Variants in DHX15 observed in about 807,000 individuals in gnomAD.
DHX15 encodes the protein DEAH-box helicase 15, also known as ATP-dependent RNA helicase DHX15.
DHX15 carries 11 observed loss-of-function variants against 94.4 expected under a neutral mutation model. That is an observed-to-expected ratio of 0.12 (90% CI 0.07 to 0.19). The LOEUF (loss-of-function observed/expected upper bound fraction) is 0.19, where lower values mean the gene tolerates loss of function less well. Among genes scored for constraint, DHX15 ranks in the 10% least tolerant of loss-of-function variants. DHX15 has a pLI of 1.00. For synonymous variants in DHX15, 338 were observed against 329.9 expected (o/e 1.02, Z -0.27); for missense variants, 304 against 988.5 (o/e 0.31, Z 9.29).
intron 3 of DHX15, among the ~76,000 whole-genome samples, chr4:24,569,552 A>C (rs1207388914): frequency 7.6e-6 from 1 of 132,242 alleles, no homozygotes; most frequent in Non-Finnish European, 1.6e-5. Context: ...AGATGGCGCC[A>C]CTGCACTCCA....
At chr4:24,574,211 A>AAAAAAAAAAAAAAAAAAAAAAAT (rs1722191239) in intron 2 of DHX15, among the ~76,000 whole-genome samples, 1 of 138,858 alleles carries the variant, frequency 7.2e-6, no homozygotes, top group Non-Finnish European at 1.5e-5. Flanking sequence ...GTCTCAAAAA[A>AAAAAAAAAAAAAAAAAAAAAAAT]AAAAAAAAAA....
rs1481082152 is a variant in DHX15 at position 24,537,955 on chromosome 4, T to C, written c.1787-782A>G. ...CAATATAAAAGCAAAGTCCAATATTTCAAAAGTTGACAATTAGTCTGAAAC... is the reference window on the plus strand; with the variant it reads ...CAATATAAAAGCAAAGTCCAATATTCCAAAAGTTGACAATTAGTCTGAAAC... On this transcript the variant is annotated intron_variant, in intron 10 of 13. Transcript: ENST00000336812. The surrounding 1 kb of genome is among the most constrained non-coding windows in gnomAD (Gnocchi z 4.7). The C allele has an allele frequency of 1.3e-5, 2 of 152,202 alleles. No individual in the cohort carries two copies. Among genetic ancestry groups the C allele is most frequent in the Non-Finnish European group, 2.9e-5 (2 of 68,030 alleles). 9.4% of individuals were successfully genotyped at this position (152,202 alleles called of 1,614,324 possible). A position where few individuals can be genotyped will look rare whatever the true frequency, so the allele number is the denominator to read the frequency against.
rs149667599 is a variant in DHX15, at chr4:24,530,413, A to G, written c.2101-643T>C. The G allele has an allele frequency of 4.7e-3, 715 of 152,554 alleles. 2 individuals carry two copies. The highest frequency in any genetic ancestry group is 7.7e-3 in the Non-Finnish European group (523 of 68,262). 9.5% of individuals were successfully genotyped at this position (152,554 alleles called of 1,614,324 possible). ...GCCAACACGGTGAAACCTCATCTCT[A>G]CTAAAAGTACAAAAATTAGACAAGC... On this transcript the variant is annotated intron_variant, in intron 12 of 13. Transcript: ENST00000336812.
At chr4:24,532,800 G>A in intron 12 of DHX15, 64 bp downstream of exon 12, 1 of 1,246,484 alleles carries the variant, frequency 8.0e-7, no homozygotes, top group South Asian at 1.7e-5. Context: ...GGATTCAAAG[G>A]ACTGTTAATA....
In DHX15 at chr4:24,551,389, T is replaced by C. The variant is rs1282738734; in HGVS notation, c.1081-2367A>G. ...ACTTTATATTTTTTTAATGTCCAAC[T>C]GTGTCTCTATATCAAAAAACACAAC... On this transcript the variant is annotated intron_variant, in intron 5 of 13. Coordinates refer to ENST00000336812, the MANE Select transcript of DHX15 (RefSeq NM_001358.3). Among the ~76,000 whole-genome samples, 3 of 152,160 alleles carry C rather than the reference T, an allele frequency of 2.0e-5. No individual in the cohort carries two copies. The East Asian group carries it at 5.8e-4, about 29-fold the overall frequency.
intron 5 of DHX15, among the ~76,000 whole-genome samples, chr4:24,551,091 T>C (rs780464795): frequency 6.6e-6 from 1 of 152,042 alleles, no homozygotes; most frequent in Non-Finnish European, 1.5e-5. Flanking sequence ...ATAATGAATA[T>C]CAAGACGGAA....
At position 24,537,200 on chromosome 4, in the gene DHX15, A is replaced by G. The variant is rs1721214581; in HGVS notation, c.1787-27T>C. On this transcript the variant is annotated intron_variant, in intron 10 of 13. Coordinates refer to ENST00000336812, the MANE Select transcript of DHX15 (RefSeq NM_001358.3). The surrounding 1 kb of genome is among the most constrained non-coding windows in gnomAD (Gnocchi z 4.7). Reference sequence around the variant, plus strand: ...TAAACAAGGTTGGTATGGGCCCAACACAAACGCCCATATCGATGAGTCACG... The same window carrying G: ...TAAACAAGGTTGGTATGGGCCCAACGCAAACGCCCATATCGATGAGTCACG... 1 of 1,613,030 alleles carries G rather than the reference A, an allele frequency of 6.2e-7. No homozygotes were observed. The highest frequency in any genetic ancestry group is 8.5e-7 in the Non-Finnish European group (1 of 1,179,466).
At chr4:24,538,783 AACT>A (rs1386181580) in intron 10 of DHX15, 2 of 152,086 alleles carry the variant, frequency 1.3e-5, no homozygotes, top group Non-Finnish European at 2.9e-5. Context: ...GGAAGATTAC[AACT>A]ACATCACAAC....
intron 11 of DHX15, among the ~76,000 whole-genome samples, chr4:24,534,395 A>C (rs1368044220): frequency 6.6e-6 from 1 of 152,224 alleles, no homozygotes; most frequent in African/African-American, 2.4e-5. Flanking sequence ...TTTAGAATTC[A>C]TGTACTACAG....
intron 3 of DHX15, among the ~76,000 whole-genome samples, chr4:24,559,872 T>C (rs1339955632): frequency 6.6e-6 from 1 of 152,194 alleles, no homozygotes; most frequent in Admixed American, 6.5e-5. Flanking sequence ...TTCTGATGAT[T>C]GCTAAAGTTT....
chr4:24,535,601 G>GCC (rs1721178471), intron 11 of DHX15, among the ~76,000 whole-genome samples: 1 of 152,120 alleles, frequency 6.6e-6, no homozygotes, highest in African/African-American at 2.4e-5. Context: ...TCTCATATCT[G>GCC]CCCCCAAGTT....
At chr4:24,558,725 GAAT>G (rs1560770215) in intron 3 of DHX15, among the ~76,000 whole-genome samples, 1 of 152,016 alleles carries the variant, frequency 6.6e-6, no homozygotes, top group Admixed American at 6.6e-5. Flanking sequence ...TTTGTACAAT[GAAT>G]AATTTCAAGA....
chr4:24,556,649 TG>T (rs1251148370), intron 3 of DHX15, among the ~76,000 whole-genome samples: 2 of 152,220 alleles, frequency 1.3e-5, no homozygotes, highest in Non-Finnish European at 1.5e-5. Context: ...TGAAATGTAC[TG>T]GGAAGACATG....
intron 11 of DHX15, among the ~76,000 whole-genome samples, chr4:24,535,171 C>T (rs1432336135): frequency 2.2e-4 from 33 of 152,152 alleles, no homozygotes; most frequent in Admixed American, 2.2e-3. Context: ...AAACAATAGA[C>T]TTGAACTTTT....
At chr4:24,565,143 T>C (rs1230577695) in intron 3 of DHX15, among the ~76,000 whole-genome samples, 1 of 152,240 alleles carries the variant, frequency 6.6e-6, no homozygotes, top group Non-Finnish European at 1.5e-5. Context: ...AATGAATGTG[T>C]AGGGTGTAGG....
intron 6 of DHX15, among the ~76,000 whole-genome samples, chr4:24,547,931 A>ATCTATC (rs1721478652): frequency 2.8e-5 from 1 of 36,326 alleles, no homozygotes; most frequent in Non-Finnish European, 5.0e-5. Flanking sequence ...ATATATATAT[A>ATCTATC]TATATATATA....
At chr4:24,541,694 C>T (rs917222847) in intron 8 of DHX15, among the ~76,000 whole-genome samples, 179 bp downstream of exon 8, 1 of 151,930 alleles carries the variant, frequency 6.6e-6, no homozygotes, top group African/African-American at 2.4e-5. Context: ...ATGTATCAGC[C>T]TGGAATAAGG....
At chr4:24,558,387 T>C (rs1721788385) in intron 3 of DHX15, among the ~76,000 whole-genome samples, 1 of 152,186 alleles carries the variant, frequency 6.6e-6, no homozygotes, top group Non-Finnish European at 1.5e-5. Flanking sequence ...ACCTTCTTTA[T>C]TTTGATCTTT....
In DHX15 at chr4:24,562,131, CAAAAAAAAAAA is replaced by C. The variant is rs71196191; in HGVS notation, c.702-5732_702-5722del. On this transcript the variant is annotated intron_variant, in intron 3 of 13. Coordinates refer to ENST00000336812, the MANE Select transcript of DHX15 (RefSeq NM_001358.3). ...AGCCTGGAAGAGTGAGACACTGTCT[CAAAAAAAAAAA>C]AAAAAAAAAAAAATCTGTACACCAA... Among the ~76,000 whole-genome samples, 57 of 77,826 alleles carry C rather than the reference CAAAAAAAAAAA, an allele frequency of 7.3e-4. No homozygotes were observed. The East Asian group carries it at 0.018, about 24-fold the overall frequency. The allele number at this position is 77,826 out of a possible 152,430, so 51.1% of individuals were successfully genotyped here.
Sources: gnomAD v4.1 joint callset for allele counts (sites outside exome capture counted in the v4.1 genomes callset) on GRCh38, gnomAD v4.1.1 for gene constraint, Gnocchi (gnomAD v3.1) non-coding constraint, MANE v1.5 for transcripts, NCBI Gene and HGNC (gene_info 2026-07-23, HGNC 2026-07-21) for gene names.